Variants in PTER observed in about 807,000 individuals in gnomAD.
PTER encodes phosphotriesterase related, also known as N-acetyltaurine hydrolase.
In PTER, 38 loss-of-function variants were observed where a neutral mutation model predicts 29.6. That is an observed-to-expected ratio of 1.28 (90% CI 0.99 to 1.68). The LOEUF is 1.68. Among genes scored for constraint, PTER ranks in the 40% most tolerant of loss-of-function variants. The pLI is 0.00. For synonymous variants in PTER, 172 were observed against 154.5 expected (o/e 1.11, Z -0.84); for missense variants, 482 against 427.8 (o/e 1.13, Z -1.12).
chr10:16,505,632 G>A (rs1173005321), intron 4 of PTER, among the ~76,000 whole-genome samples: 3 of 152,210 alleles, frequency 2.0e-5, no homozygotes, highest in African/African-American at 7.2e-5. Flanking sequence ...TAAATATTAT[G>A]TAAAATGAAT....
In PTER at chr10:16,511,035, AT is replaced by A; in HGVS notation, c.840-6del. ...GACAAATGACATCTAATGAGTTAACATTTTTCACAGGGTGCGTCTCCTGGTG... is the reference window on the plus strand; with the variant it reads ...GACAAATGACATCTAATGAGTTAACATTTTCACAGGGTGCGTCTCCTGGTG... On this transcript the variant is annotated splice_polypyrimidine_tract_variant and intron_variant, in intron 4 of 4. Transcript: ENST00000535784. The A allele has an allele frequency of 6.2e-7, 1 of 1,606,042 alleles. No individual in the cohort carries two copies. Among genetic ancestry groups the A allele is most frequent in the Admixed American group, 1.7e-5 (1 of 58,822 alleles).
intron 1 of PTER, among the ~76,000 whole-genome samples, chr10:16,473,853 T>A (rs1835155829): frequency 6.6e-6 from 1 of 152,152 alleles, no homozygotes; most frequent in Non-Finnish European, 1.5e-5. Context: ...TGGAATAATA[T>A]CTGCCTGATT....
At chr10:16,518,582 A>G (rs77029895), downstream of PTER, among the ~76,000 whole-genome samples, 3,347 of 152,318 alleles carry the variant, frequency 0.022, 111 homozygotes, top group African/African-American at 0.076. Flanking sequence ...AATCAGTGTA[A>G]TATACACAGG....
intron 3 of PTER, among the ~76,000 whole-genome samples, chr10:16,499,644 A>T (rs184663084): frequency 5.2e-4 from 79 of 151,998 alleles, no homozygotes; most frequent in African/African-American, 1.8e-3. Context: ...GGGTTTTGCC[A>T]TGTTGCCCAA....
chr10:16,475,038 G>T (rs1205012785), intron 1 of PTER, among the ~76,000 whole-genome samples: 1 of 152,148 alleles, frequency 6.6e-6, no homozygotes, highest in African/African-American at 2.4e-5. Flanking sequence ...AAGGAAGGAG[G>T]AAGCTCTTTG....
intron 3 of PTER, among the ~76,000 whole-genome samples, chr10:16,495,997 G>C (rs1370534482): frequency 6.6e-6 from 1 of 152,128 alleles, no homozygotes; most frequent in East Asian, 1.9e-4. Context: ...TTCTCCTCCT[G>C]CGTGGCTGTC....
At chr10:16,451,736 A>C (rs1834216456) in intron 1 of PTER, among the ~76,000 whole-genome samples, 1 of 152,114 alleles carries the variant, frequency 6.6e-6, no homozygotes, top group Non-Finnish European at 1.5e-5. Flanking sequence ...AAATAAAATA[A>C]AATTGGACAG....
chr10:16,501,328 TAC>T (rs35321143), intron 3 of PTER, among the ~76,000 whole-genome samples: 6,570 of 117,114 alleles, frequency 0.056, 266 homozygotes, highest in African/African-American at 0.14. Flanking sequence ...AATGAATAAC[TAC>T]ACACACACAC....
chr10:16,467,376 C>T (rs761613382), intron 1 of PTER, among the ~76,000 whole-genome samples: 5 of 152,122 alleles, frequency 3.3e-5, no homozygotes, highest in African/African-American at 9.7e-5. Context: ...CGGTTTCACA[C>T]ATCCACTGGG....
intron 1 of PTER, among the ~76,000 whole-genome samples, chr10:16,448,759 G>A (rs531462254): frequency 6.6e-5 from 10 of 152,176 alleles, no homozygotes; most frequent in Non-Finnish European, 1.2e-4. Flanking sequence ...ACAAGATTAT[G>A]ACACAAAGCC....
chr10:16,505,928 A>T (rs1356888622), intron 4 of PTER, among the ~76,000 whole-genome samples: 2 of 152,164 alleles, frequency 1.3e-5, no homozygotes, highest in African/African-American at 4.8e-5. Flanking sequence ...GAATGACATC[A>T]CTCAGAGAAG....
intron 1 of PTER, among the ~76,000 whole-genome samples, chr10:16,446,319 A>C (rs138811273): frequency 6.6e-6 from 1 of 152,010 alleles, no homozygotes; most frequent in African/African-American, 2.4e-5. Context: ...CCCGGGTTCA[A>C]GTGATTCTTG....
At chr10:16,468,783 G>T (rs1391269795) in intron 1 of PTER, among the ~76,000 whole-genome samples, 1 of 148,650 alleles carries the variant, frequency 6.7e-6, no homozygotes, top group Admixed American at 6.9e-5. Context: ...AAACCAGCCT[G>T]GGCAACACAG....
At chr10:16,447,811 C>A (rs1834071005) in intron 1 of PTER, among the ~76,000 whole-genome samples, 1 of 152,134 alleles carries the variant, frequency 6.6e-6, no homozygotes, top group African/African-American at 2.4e-5. Flanking sequence ...GTCAACTGAT[C>A]ATAGGGAACT....
chr10:16,464,368 C>T (rs1834731479), intron 1 of PTER, among the ~76,000 whole-genome samples: 1 of 152,144 alleles, frequency 6.6e-6, no homozygotes, highest in Non-Finnish European at 1.5e-5. Flanking sequence ...TCAGGTCATG[C>T]TGGTTTTACT....
chr10:16,458,625 A>G (rs974215219), intron 1 of PTER, among the ~76,000 whole-genome samples: 2 of 152,236 alleles, frequency 1.3e-5, no homozygotes, highest in Admixed American at 6.5e-5. Flanking sequence ...GAGACGTGCA[A>G]TCCAGGAATG....
intron 1 of PTER, among the ~76,000 whole-genome samples, chr10:16,470,710 G>A (rs1017037030): frequency 6.6e-6 from 1 of 152,152 alleles, no homozygotes; most frequent in African/African-American, 2.4e-5. Context: ...GGAGGTTGCA[G>A]TGAGCCAAGA....
downstream of PTER, chr10:16,514,531 G>A (rs777367197): frequency 6.2e-7 from 1 of 1,612,376 alleles, no homozygotes; most frequent in Non-Finnish European, 8.5e-7. Flanking sequence ...TGCATTATCA[G>A]TCAGCATAAA....
chr10:16,471,609 T>C (rs1835058962), intron 1 of PTER, among the ~76,000 whole-genome samples: 1 of 152,220 alleles, frequency 6.6e-6, no homozygotes, highest in South Asian at 2.1e-4. Flanking sequence ...ACTAGTTTTG[T>C]GTTTTGCTTT....
Sources: allele counts gnomAD v4.1 joint callset (sites outside exome capture counted in the v4.1 genomes callset), GRCh38; gene constraint gnomAD v4.1.1; transcripts MANE v1.5; gene names NCBI Gene and HGNC (gene_info 2026-07-23, HGNC 2026-07-21).